The following ARFGAP2 variants were observed in gnomAD, a reference collection of about 807,000 sequenced individuals.
The protein encoded by ARFGAP2 is ARF GTPase activating protein 2.
A neutral mutation model predicts 71.9 loss-of-function variants in ARFGAP2; 45 were observed. That is an observed-to-expected ratio of 0.63 (90% CI 0.49 to 0.80). The LOEUF is 0.80. Among genes scored for constraint, ARFGAP2 ranks in the 30% least tolerant of loss-of-function variants. The pLI is 0.00. For synonymous variants in ARFGAP2, 248 were observed against 249.2 expected (o/e 1.00, Z 0.05); for missense variants, 633 against 673.9 (o/e 0.94, Z 0.67).
At chr11:47,166,211 G>A in intron 15 of ARFGAP2, 57 bp downstream of exon 15, 2 of 1,553,146 alleles carry the variant, frequency 1.3e-6, no homozygotes, top group South Asian at 2.2e-5. Flanking sequence ...GTGTCTCTAT[G>A]TGGTGGCGAA....
chr11:47,169,099 G>A (rs553629185), intron 10 of ARFGAP2, among the ~76,000 whole-genome samples: 1 of 151,052 alleles, frequency 6.6e-6, no homozygotes, highest in East Asian at 2.0e-4. Flanking sequence ...AGATCACGAG[G>A]TCAGGAGATC....
rs1565130231 is a variant in ARFGAP2 at position 47,173,547 on chromosome 11, A to G, written c.563-65T>C. 2.0e-6 allele frequency: 3 copies of G among 1,501,646 alleles called. 1 individual carries two copies. In the Admixed American group the frequency reaches 6.5e-5, roughly 32 times the overall value. 93.0% of individuals were successfully genotyped at this position (1,501,646 alleles called of 1,614,324 possible). The stretch of plus-strand genomic sequence containing the variant: ...CTTCCTGCAACCTCCCCTTGAAAGA[A>G]GTGATGGGACAAGAATCGGTGGCTT... On this transcript the variant is annotated intron_variant, in intron 6 of 15. Transcript: ENST00000524782.
intron 7 of ARFGAP2, 54 bp from the exon 8 acceptor site, chr11:47,172,387 A>G (rs1016573709): frequency 1.3e-6 from 2 of 1,583,646 alleles, no homozygotes; most frequent in Non-Finnish European, 1.7e-6. Flanking sequence ...CAGAGGCAGT[A>G]GCTCAGTATA....
At chr11:47,172,505 G>T (rs1952644247) in intron 7 of ARFGAP2, among the ~76,000 whole-genome samples, 172 bp from the exon 8 acceptor site, 1 of 152,180 alleles carries the variant, frequency 6.6e-6, no homozygotes, top group Non-Finnish European at 1.5e-5. Flanking sequence ...AGACAGACGT[G>T]GCTGGGGTAT....
At chr11:47,167,700 A>T (rs1049308355) in intron 12 of ARFGAP2, among the ~76,000 whole-genome samples, 4 of 152,150 alleles carry the variant, frequency 2.6e-5, no homozygotes, top group African/African-American at 7.2e-5. Flanking sequence ...TTTATCAGAA[A>T]TTAAACTACA....
At position 47,173,823 on chromosome 11, in the gene ARFGAP2, C is replaced by A; in HGVS notation, c.498G>T (p.Ala166=). The change falls in exon 6 of 16, where the codon GCG becomes GCT. Residue 166 remains alanine, a synonymous_variant. Coordinates refer to ENST00000524782, the MANE Select transcript of ARFGAP2 (RefSeq NM_032389.6). ...TEHTQPPAWD[A]PATEPSGTQQ... The stretch of plus-strand genomic sequence containing the variant: ...GGGTCCCTGAAGGCTCAGTGGCTGG[C>A]GCATCCCAGGCAGGGGGCTGAAAAG... 6.3e-7 allele frequency: 1 copy of A among 1,599,728 alleles called. No individual in the cohort carries two copies. Among genetic ancestry groups the A allele is most frequent in the Non-Finnish European group, 8.5e-7 (1 of 1,174,022 alleles).
Position 47,176,812 on chromosome 11 carries a change from A to G in ARFGAP2, c.42T>C (p.Phe14=), listed in dbSNP as rs1952854075. 6.2e-7 allele frequency: 1 copy of G among 1,614,022 alleles called. No homozygotes were observed. The highest frequency in any genetic ancestry group is 1.1e-5 in the South Asian group (1 of 91,086). ...EPNKTEIQTL[F]KRLRAVPTNK... Reference sequence around the variant, plus strand: ...TGGTTGGAACTGCGCGAAGCCTCTTAAAAAGAGTCTGGATTTCGGTCTTGT... The same window carrying G: ...TGGTTGGAACTGCGCGAAGCCTCTTGAAAAGAGTCTGGATTTCGGTCTTGT... Residue 14 remains phenylalanine, a synonymous_variant, in exon 1 of 16, where the codon TTT becomes TTC. Coordinates refer to ENST00000524782, the MANE Select transcript of ARFGAP2 (RefSeq NM_032389.6).
intron 15 of ARFGAP2, among the ~76,000 whole-genome samples, chr11:47,165,855 A>G (rs1326551637): frequency 6.6e-6 from 1 of 151,620 alleles, no homozygotes; most frequent in African/African-American, 2.4e-5. Context: ...GCCTCTCTCT[A>G]GACTCTTGCT....
intron 12 of ARFGAP2, among the ~76,000 whole-genome samples, 177 bp from the exon 13 acceptor site, chr11:47,167,063 T>G (rs1952414853): frequency 6.6e-6 from 1 of 152,144 alleles, no homozygotes; most frequent in South Asian, 2.1e-4. Flanking sequence ...CTTCTCCACA[T>G]TGAGGCCAAG....
intron 12 of ARFGAP2, among the ~76,000 whole-genome samples, chr11:47,167,189 G>T (rs1277058781): frequency 6.6e-6 from 1 of 152,226 alleles, no homozygotes; most frequent in Non-Finnish European, 1.5e-5. Flanking sequence ...CACAACTGCT[G>T]CTACCCTAAT....
Position 47,165,192 on chromosome 11 carries a change from T to C in ARFGAP2, c.*290A>G, listed in dbSNP as rs1002053004. On this transcript the variant is annotated 3_prime_UTR_variant, in exon 16 of 16. Transcript: ENST00000524782. Reference sequence around the variant, plus strand: ...CGTGGGGGAACCCCCTTTCCCAGTATGGCAGGATAAGTGAGCAGCAGCTGT... The same window carrying C: ...CGTGGGGGAACCCCCTTTCCCAGTACGGCAGGATAAGTGAGCAGCAGCTGT... The C allele has an allele frequency of 2.1e-5, 8 of 386,112 alleles. No individual in the cohort carries two copies. Among genetic ancestry groups the C allele is most frequent in the Middle Eastern group, 1.3e-3 (2 of 1,528 alleles). The allele number at this position is 386,112 out of a possible 1,614,324, so 23.9% of individuals were successfully genotyped here.
At chr11:47,170,082 T>C (rs1952534738) in intron 10 of ARFGAP2, among the ~76,000 whole-genome samples, 2 of 152,064 alleles carry the variant, frequency 1.3e-5, no homozygotes. Flanking sequence ...CCCAGTACTG[T>C]GGGAGGCCGA....
Position 47,166,395 on chromosome 11 carries a change from C to G in ARFGAP2, c.1427-9G>C, listed in dbSNP as rs2135419528. ...CCCCAGAGATACACTTCCTGTAAAACAAGAGCAGGGTGACCCAGAGCCCAG... is the reference window on the plus strand; with the variant it reads ...CCCCAGAGATACACTTCCTGTAAAAGAAGAGCAGGGTGACCCAGAGCCCAG... On this transcript the variant is annotated splice_polypyrimidine_tract_variant and intron_variant, in intron 14 of 15. Transcript: ENST00000524782. The G allele has an allele frequency of 6.2e-7, 1 of 1,613,730 alleles. No individual in the cohort carries two copies. The highest frequency in any genetic ancestry group is 8.5e-7 in the Non-Finnish European group (1 of 1,179,714).
At position 47,165,238 on chromosome 11, in the gene ARFGAP2, A is replaced by G; in HGVS notation, c.*244T>C. 2.5e-6 allele frequency: 1 copy of G among 407,686 alleles called. No homozygotes were observed. Among genetic ancestry groups the G allele is most frequent in the East Asian group, 3.6e-5 (1 of 28,072 alleles). The allele number at this position is 407,686 out of a possible 1,614,324, so 25.3% of individuals were successfully genotyped here. ...GCTGTGGGGGCAGGACAGAAGGACA[A>G]GAGTCTAACACACGGAGGGTGGTGT... On this transcript the variant is annotated 3_prime_UTR_variant, in exon 16 of 16. Transcript: ENST00000524782.
rs538823239 is a variant in ARFGAP2, at chr11:47,171,369, G to A, written c.941+57C>T. On this transcript the variant is annotated intron_variant, in intron 10 of 15. Coordinates refer to ENST00000524782, the MANE Select transcript of ARFGAP2 (RefSeq NM_032389.6). ...CATCCCAAACTGCTAGGAAGGCCCC[G>A]CAATGGTTCCCAGAAAACAACGGCA... 4.9e-5 allele frequency: 78 copies of A among 1,603,686 alleles called. No individual in the cohort carries two copies. The East Asian group carries it at 1.1e-3, about 22-fold the overall frequency.
rs752622382 is a variant in ARFGAP2 at position 47,168,249 on chromosome 11, G to A, written c.944C>T (p.Ser315Phe). 6.2e-7 allele frequency: 1 copy of A among 1,614,104 alleles called. No homozygotes were observed. The highest frequency in any genetic ancestry group is 1.1e-5 in the South Asian group (1 of 91,052). ...CTCAGACAGCACGGAGTGGGAGACA[G>A]AGCTGCGCAGCAAAGCAGAGCCAGG... The part of the protein sequence containing the change: ...RLGMGLVSRS[S>F]VSHSVLSEMQ... Residue 315 changes from serine to phenylalanine, a missense_variant and splice_region_variant, in exon 11 of 16, where the codon TCT becomes TTT. Physicochemically the swap from Ser to Phe is radical, Grantham distance 155. Transcript: ENST00000524782.
intron 8 of ARFGAP2, 110 bp downstream of exon 8, chr11:47,172,171 A>G (rs567875496): frequency 4.5e-6 from 5 of 1,116,932 alleles, no homozygotes; most frequent in African/African-American, 1.6e-5. Context: ...GGAGAAACAC[A>G]GTACCTTTGC....
intron 3 of ARFGAP2, chr11:47,175,516 T>C: frequency 2.5e-6 from 2 of 784,510 alleles, no homozygotes; most frequent in Non-Finnish European, 4.1e-6. Context: ...CTGATATGAC[T>C]GAAGTCCAGG....
In ARFGAP2 at chr11:47,171,675, C is replaced by T. The variant is rs34580829; in HGVS notation, c.798G>A (p.Ala266=). The T allele has an allele frequency of 1.1e-3, 1,736 of 1,613,754 alleles. 22 individuals carry two copies. In the African/African-American group the frequency reaches 0.02, roughly 18 times the overall value. ...CAGCAAACACTTACATGGACTCCTC[C>T]GCCTGCTTCTTGGCATCGGCTGCCT... ...EQQAADAKKQ[A]EESMVASMRL... The change falls in exon 9 of 16, where the codon GCG becomes GCA. Residue 266 remains alanine (A), a synonymous_variant. Transcript: ENST00000524782.
Sources: gnomAD v4.1 joint callset for allele counts (sites outside exome capture counted in the v4.1 genomes callset) on GRCh38, gnomAD v4.1.1 for gene constraint, MANE v1.5 for transcripts, NCBI Gene and HGNC (gene_info 2026-07-23, HGNC 2026-07-21) for gene names.